UNC5C: variants seen among roughly 807,000 people sequenced by gnomAD.
UNC5C encodes unc-5 netrin receptor C.
Under a neutral mutation model 99.8 loss-of-function variants are expected in UNC5C, and 47 were observed. The observed-to-expected ratio is 0.47, with a 90% CI of 0.37 to 0.60. The LOEUF (loss-of-function observed/expected upper bound fraction) is 0.60. UNC5C is among the 20% of genes least tolerant of loss of function. The probability of loss-of-function intolerance (pLI) is 0.00; values close to 1 mark genes in which losing one functional copy is unlikely to be tolerated. For missense variants in UNC5C, 1,062 were observed against 1,165.9 expected (o/e 0.91, Z 1.30); for synonymous variants, 487 against 452.2 (o/e 1.08, Z -0.98).
chr4:95,522,799 AACT>A (rs1332914131), intron 1 of UNC5C, among the ~76,000 whole-genome samples: 5 of 152,046 alleles, frequency 3.3e-5, no homozygotes, highest in Non-Finnish European at 7.4e-5. Flanking sequence ...CTGTGCTTGG[AACT>A]GCTGGGGAGA....
intron 1 of UNC5C, among the ~76,000 whole-genome samples, chr4:95,543,351 A>G (rs889662889): frequency 1.3e-5 from 2 of 152,214 alleles, no homozygotes; most frequent in Non-Finnish European, 2.9e-5. Context: ...TTTGCTCCAA[A>G]CATGCAAAGA....
chr4:95,222,912 T>C (rs1300092278), intron 7 of UNC5C, among the ~76,000 whole-genome samples: 13 of 152,192 alleles, frequency 8.5e-5, no homozygotes, highest in Admixed American at 8.5e-4. Context: ...ATGCTTTTTA[T>C]TTGAAATCAT....
At chr4:95,466,439 A>C (rs1342533629) in intron 1 of UNC5C, among the ~76,000 whole-genome samples, 4 of 152,198 alleles carry the variant, frequency 2.6e-5, no homozygotes, top group African/African-American at 9.6e-5. Context: ...TGATGCTTGT[A>C]ACTTTTTAAA....
chr4:95,178,565 G>GAAAT (rs990847214), intron 14 of UNC5C, among the ~76,000 whole-genome samples: 12 of 152,220 alleles, frequency 7.9e-5, no homozygotes, highest in Non-Finnish European at 1.6e-4. Flanking sequence ...TTTGTTTGTT[G>GAAAT]AAATGAGAGA....
rs539919874 is a variant in UNC5C, at chr4:95,507,412, T to C, written c.124+41322A>G. ...TGAGATGGTTTAACTGCCACCCCTC[T>C]TCCTGGTTCTCTTTTTTGTCCTTTT... On this transcript the variant is annotated intron_variant, in intron 1 of 15. Coordinates refer to ENST00000453304, the MANE Select transcript of UNC5C (RefSeq NM_003728.4). Among the ~76,000 whole-genome samples the C allele has an allele frequency of 2.6e-5, 4 of 152,206 alleles. No homozygotes were observed. The East Asian group carries it at 7.7e-4, about 29-fold the overall frequency.
chr4:95,183,090 T>G (rs371118252), intron 13 of UNC5C, 29 bp from the exon 14 acceptor site: 1 of 1,582,628 alleles, frequency 6.3e-7, no homozygotes, highest in South Asian at 1.1e-5. Context: ...TTAACCACAA[T>G]TGAAGGACTA....
intron 1 of UNC5C, among the ~76,000 whole-genome samples, chr4:95,527,152 A>G (rs1016364005): frequency 1.3e-5 from 2 of 152,136 alleles, no homozygotes. Context: ...AGTTACTTTT[A>G]CAATCCAGTG....
intron 1 of UNC5C, among the ~76,000 whole-genome samples, chr4:95,468,909 C>A (rs1008572729): frequency 6.6e-6 from 1 of 152,122 alleles, no homozygotes; most frequent in African/African-American, 2.4e-5. Context: ...ACTTTAGGGA[C>A]AAAGCATCAG....
chr4:95,245,285 AAG>A (rs1739463420), intron 5 of UNC5C, 141 bp from the exon 6 acceptor site: 2 of 968,614 alleles, frequency 2.1e-6, no homozygotes, highest in East Asian at 5.9e-5. Context: ...TCAAAGCCAG[AAG>A]AGACCATGGA....
intron 1 of UNC5C, among the ~76,000 whole-genome samples, chr4:95,490,738 C>G (rs1488808084): frequency 4.0e-5 from 6 of 151,722 alleles, no homozygotes; most frequent in African/African-American, 1.5e-4. Context: ...AGGCCGTTAA[C>G]TCTGAAGTTT....
chr4:95,403,064 T>C (rs1024763007), intron 1 of UNC5C, among the ~76,000 whole-genome samples: 4 of 152,100 alleles, frequency 2.6e-5, no homozygotes, highest in South Asian at 4.1e-4. Context: ...TTCACAGTCT[T>C]GGGGGAAGAA....
intron 1 of UNC5C, among the ~76,000 whole-genome samples, chr4:95,546,025 A>C (rs550900465): frequency 6.6e-6 from 1 of 152,366 alleles, no homozygotes; most frequent in South Asian, 2.1e-4. Context: ...TCTATGTTTT[A>C]TCTTAAATAT....
At chr4:95,383,436 C>T (rs1011344644) in intron 1 of UNC5C, among the ~76,000 whole-genome samples, 1 of 152,112 alleles carries the variant, frequency 6.6e-6, no homozygotes, top group African/African-American at 2.4e-5. Flanking sequence ...AAAAGCAAAT[C>T]TCTTCTACTG....
intron 1 of UNC5C, among the ~76,000 whole-genome samples, chr4:95,367,124 A>G (rs1384159444): frequency 6.6e-6 from 1 of 152,054 alleles, no homozygotes; most frequent in Admixed American, 6.6e-5. Flanking sequence ...ACATATCCCC[A>G]AATCATACCA....
intron 1 of UNC5C, among the ~76,000 whole-genome samples, chr4:95,397,670 C>T (rs1399257354): frequency 1.3e-5 from 2 of 152,128 alleles, no homozygotes; most frequent in Admixed American, 6.5e-5. Context: ...ATACATAGGA[C>T]ATGAACGTAC....
intron 1 of UNC5C, among the ~76,000 whole-genome samples, chr4:95,435,233 T>G (rs931985660): frequency 5.9e-5 from 9 of 152,086 alleles, no homozygotes; most frequent in African/African-American, 2.2e-4. Context: ...CCAGTGTGAA[T>G]GAATGAATCA....
At chr4:95,488,788 T>G (rs1455026927) in intron 1 of UNC5C, among the ~76,000 whole-genome samples, 2 of 151,738 alleles carry the variant, frequency 1.3e-5, no homozygotes, top group Non-Finnish European at 2.9e-5. Context: ...GCAAAAATTG[T>G]TAGCATAGAA....
At chr4:95,394,475 C>T (rs1270817383) in intron 1 of UNC5C, among the ~76,000 whole-genome samples, 3 of 152,042 alleles carry the variant, frequency 2.0e-5, no homozygotes, top group African/African-American at 7.2e-5. Flanking sequence ...GTTCACTTTA[C>T]CAACAAAAAA....
At chr4:95,427,538 CCATCAA>C (rs1212584685) in intron 1 of UNC5C, among the ~76,000 whole-genome samples, 1 of 152,106 alleles carries the variant, frequency 6.6e-6, no homozygotes, top group Non-Finnish European at 1.5e-5. Flanking sequence ...TAGTCAGTAG[CCATCAA>C]CATCAAGGCA....
Sources: allele counts gnomAD v4.1 joint callset (sites outside exome capture counted in the v4.1 genomes callset), GRCh38; gene constraint gnomAD v4.1.1; transcripts MANE v1.5; gene names NCBI Gene and HGNC (gene_info 2026-07-23, HGNC 2026-07-21).